The following ABCA1 variants were observed in gnomAD, a reference collection of about 807,000 sequenced individuals.
ABCA1 encodes the protein phospholipid-transporting ATPase ABCA1.
Under a neutral mutation model 262.5 loss-of-function variants are expected in ABCA1, and 133 were observed. That is an observed-to-expected ratio of 0.51 (90% CI 0.44 to 0.59). ABCA1 has a LOEUF of 0.59. Among genes scored for constraint, ABCA1 ranks in the 20% least tolerant of loss-of-function variants. ABCA1 has a pLI of 0.00. For missense variants in ABCA1, 2,452 were observed against 2,777.5 expected, an observed-to-expected ratio of 0.88 and a Z score of 2.63; for synonymous variants, 1,022 against 1,043.5, an observed-to-expected ratio of 0.98 and a Z score of 0.40.
chr9:104,903,783 A>G lies in ABCA1; in HGVS notation c.-92-12T>C, dbSNP rs1741303171. On this transcript the variant is annotated splice_polypyrimidine_tract_variant and intron_variant, in intron 1 of 49. Transcript: ENST00000374736. ...TGGCTGGTCATTAACTGAAAGATAA[A>G]GCAGGAGGGGAAACAGCCATCAGTT... The G allele has an allele frequency of 4.7e-6, 5 of 1,072,804 alleles. No individual in the cohort carries two copies. The South Asian group carries it at 6.7e-5, about 14-fold the overall frequency. The allele number at this position is 1,072,804 out of a possible 1,614,324, so 66.5% of individuals were successfully genotyped here. A position where few individuals can be genotyped will look rare whatever the true frequency, so the allele number is the denominator to read the frequency against.
chr9:104,882,619 A>C (rs961676528), intron 5 of ABCA1, among the ~76,000 whole-genome samples: 4 of 152,268 alleles, frequency 2.6e-5, no homozygotes, highest in Non-Finnish European at 5.9e-5. Context: ...TCTTTTTAGA[A>C]AGAAGTGCTT....
intron 5 of ABCA1, among the ~76,000 whole-genome samples, chr9:104,879,400 T>C (rs891756220): frequency 2.6e-5 from 4 of 152,220 alleles, no homozygotes; most frequent in African/African-American, 4.8e-5. Flanking sequence ...ACTGGACTGA[T>C]CCAAGCTTCA....
At chr9:104,909,065 T>C (rs1410961907) in intron 1 of ABCA1, among the ~76,000 whole-genome samples, 1 of 152,224 alleles carries the variant, frequency 6.6e-6, no homozygotes, top group Non-Finnish European at 1.5e-5. Context: ...AGTCATAACT[T>C]GGAAGACCTA....
At chr9:104,789,378 C>T (rs80300843) in intron 44 of ABCA1, among the ~76,000 whole-genome samples, 4,589 of 152,310 alleles carry the variant, frequency 0.03, 256 homozygotes, top group African/African-American at 0.1. Flanking sequence ...AGTTGTGCAG[C>T]GCTAGGCCTG....
At chr9:104,800,341 A>C (rs1282084956) in intron 35 of ABCA1, among the ~76,000 whole-genome samples, 169 bp downstream of exon 35, 1 of 152,176 alleles carries the variant, frequency 6.6e-6, no homozygotes, top group Non-Finnish European at 1.5e-5. Flanking sequence ...TGGCAAAGCA[A>C]ATTCTCTGAA....
Position 104,840,313 on chromosome 9 carries a change from C to T in ABCA1, c.1020G>A (p.Glu340=), listed in dbSNP as rs1834253925. ...TGTCATAGAAGGTTTCAGCATCTTC[C>T]TCAGTGCCATTGCCTCCAAAGAGGG... ...YKALFGGNGT[E]EDAETFYDNS... is the part of the protein sequence containing the mutation. Residue 340 remains glutamate, a synonymous_variant, in exon 9 of 50, where the codon GAG becomes GAA. Transcript: ENST00000374736. 2 of 1,614,086 alleles carry T rather than the reference C, an allele frequency of 1.2e-6. No homozygotes were observed. The highest frequency in any genetic ancestry group is 3.3e-5 in the Admixed American group (2 of 60,002).
chr9:104,851,594 G>A (rs1835384710), intron 7 of ABCA1, among the ~76,000 whole-genome samples: 1 of 152,126 alleles, frequency 6.6e-6, no homozygotes, highest in Non-Finnish European at 1.5e-5. Flanking sequence ...CCACTTAGAG[G>A]ATGTTTCCTT....
chr9:104,904,640 T>C (rs1285162707), intron 1 of ABCA1, among the ~76,000 whole-genome samples: 1 of 151,158 alleles, frequency 6.6e-6, no homozygotes, highest in Non-Finnish European at 1.5e-5. Flanking sequence ...TAGATGAGTG[T>C]GAGTAAACAC....
chr9:104,832,238 G>C (rs1453983064), intron 12 of ABCA1, among the ~76,000 whole-genome samples: 4 of 152,074 alleles, frequency 2.6e-5, no homozygotes, highest in Middle Eastern at 3.2e-3. Flanking sequence ...TTTTAGATAA[G>C]TTTCACAAAT....
At chr9:104,863,832 T>C (rs1836837466) in intron 5 of ABCA1, among the ~76,000 whole-genome samples, 2 of 152,168 alleles carry the variant, frequency 1.3e-5, no homozygotes, top group South Asian at 4.1e-4. Flanking sequence ...CACATGTGAC[T>C]CTACACTGTT....
intron 1 of ABCA1, among the ~76,000 whole-genome samples, chr9:104,921,185 T>C (rs1285381768): frequency 6.6e-6 from 1 of 152,186 alleles, no homozygotes; most frequent in Non-Finnish European, 1.5e-5. Context: ...GGAAATATCA[T>C]AAACTAAATA....
chr9:104,897,560 T>C (rs551073317), intron 2 of ABCA1, among the ~76,000 whole-genome samples: 1 of 152,306 alleles, frequency 6.6e-6, no homozygotes, highest in South Asian at 2.1e-4. Context: ...AAAGGCATCA[T>C]CCCACAGTAG....
intron 44 of ABCA1, among the ~76,000 whole-genome samples, chr9:104,789,178 C>G (rs1292887892): frequency 6.6e-6 from 1 of 152,244 alleles, no homozygotes; most frequent in Non-Finnish European, 1.5e-5. Flanking sequence ...ATCTAATTAG[C>G]ACCCCCAGGG....
intron 42 of ABCA1, 129 bp from the exon 43 acceptor site, chr9:104,792,127 G>A: frequency 1.2e-6 from 1 of 861,720 alleles, no homozygotes; most frequent in Non-Finnish European, 1.9e-6. Flanking sequence ...TAAGCCATAG[G>A]CATATTTGAT....
intron 44 of ABCA1, among the ~76,000 whole-genome samples, chr9:104,789,455 G>T (rs1031809096): frequency 2.0e-5 from 3 of 152,232 alleles, no homozygotes; most frequent in Non-Finnish European, 2.9e-5. Context: ...TAAGAGACAG[G>T]AGAGGAGATC....
intron 5 of ABCA1, among the ~76,000 whole-genome samples, chr9:104,866,149 T>C (rs1386284555): frequency 6.6e-6 from 1 of 152,140 alleles, no homozygotes. Flanking sequence ...CATAATGCTA[T>C]GCACATAGTA....
At chr9:104,831,575 C>T (rs1833325936) in intron 13 of ABCA1, 47 bp downstream of exon 13, 1 of 1,515,274 alleles carries the variant, frequency 6.6e-7, no homozygotes, top group Non-Finnish European at 9.1e-7. Flanking sequence ...ATAATAGGTG[C>T]TCTGGACCTC....
chr9:104,789,167 T>G (rs1829190211), intron 44 of ABCA1, among the ~76,000 whole-genome samples: 1 of 152,228 alleles, frequency 6.6e-6, no homozygotes, highest in Admixed American at 6.5e-5. Flanking sequence ...CCTCTCTGTG[T>G]ATCTAATTAG....
intron 1 of ABCA1, among the ~76,000 whole-genome samples, chr9:104,926,304 C>G (rs1826318176): frequency 6.6e-6 from 1 of 152,072 alleles, no homozygotes; most frequent in Non-Finnish European, 1.5e-5. Flanking sequence ...CAACTTTTTT[C>G]TTTGTTTATT....
Sources: gnomAD v4.1 joint callset for allele counts (sites outside exome capture counted in the v4.1 genomes callset) on GRCh38, gnomAD v4.1.1 for gene constraint, MANE v1.5 for transcripts, NCBI Gene and HGNC (gene_info 2026-07-23, HGNC 2026-07-21) for gene names.